MAP4K4: variants seen among roughly 807,000 people sequenced by gnomAD.
MAP4K4 encodes the protein mitogen-activated protein kinase kinase kinase kinase 4, also known as HPK/GCK-like kinase HGK.
MAP4K4 carries 38 observed loss-of-function variants against 189.6 expected under a neutral mutation model. The observed-to-expected ratio is 0.20, with a 90% confidence interval of 0.15 to 0.26. MAP4K4 has a LOEUF of 0.26. Among genes scored for constraint, MAP4K4 ranks in the 10% least tolerant of loss-of-function variants. The pLI, the probability that MAP4K4 is intolerant of heterozygous loss-of-function variation, is 1.00. For synonymous variants in MAP4K4, 610 were observed against 624.3 expected, an observed-to-expected ratio of 0.98 and a Z score of 0.34; for missense variants, 1,054 against 1,726.9, an observed-to-expected ratio of 0.61 and a Z score of 6.91.
chr2:101,883,809 C>T (rs2098444150), intron 28 of MAP4K4, among the ~76,000 whole-genome samples: 2 of 152,056 alleles, frequency 1.3e-5, no homozygotes, highest in African/African-American at 4.8e-5. Flanking sequence ...GTCTGCACCC[C>T]TCAGCTCGTG....
intron 3 of MAP4K4, among the ~76,000 whole-genome samples, chr2:101,797,589 A>C (rs1339313589): frequency 6.6e-6 from 1 of 152,092 alleles, no homozygotes; most frequent in Admixed American, 6.6e-5. Flanking sequence ...TTGATCTTAA[A>C]TTTTAACTTC....
At chr2:101,785,654 ATCT>A (rs1294131092) in intron 2 of MAP4K4, among the ~76,000 whole-genome samples, 1 of 117,904 alleles carries the variant, frequency 8.5e-6, no homozygotes, top group African/African-American at 3.4e-5. Flanking sequence ...GAACATTGCC[ATCT>A]TCTTCTTTCT....
At chr2:101,869,646 C>G in exon 22 of MAP4K4, 1 of 1,610,450 alleles carries the variant, frequency 6.2e-7, no homozygotes, top group Non-Finnish European at 8.5e-7. Flanking sequence ...GGCCAAAGAG[C>G]TTCGAGCAGT....
intron 12 of MAP4K4, among the ~76,000 whole-genome samples, chr2:101,852,954 ATGG>A (rs2097333446): frequency 6.6e-6 from 1 of 152,206 alleles, no homozygotes; most frequent in South Asian, 2.1e-4. Flanking sequence ...AGCTCCCAAA[ATGG>A]TGGCAGACAC....
chr2:101,871,232 CAG>C (rs1444388152), intron 23 of MAP4K4, among the ~76,000 whole-genome samples: 2 of 152,092 alleles, frequency 1.3e-5, no homozygotes, highest in African/African-American at 4.8e-5. Context: ...GTTTTGGTAA[CAG>C]AAGCTAGCGC....
chr2:101,734,239 A>C (rs1437193785), intron 2 of MAP4K4, among the ~76,000 whole-genome samples: 1 of 152,220 alleles, frequency 6.6e-6, no homozygotes, highest in Non-Finnish European at 1.5e-5. Context: ...TAAAATATTA[A>C]GGAAAATGTA....
chr2:101,771,156 C>T (rs912815351), intron 2 of MAP4K4, among the ~76,000 whole-genome samples: 5 of 152,198 alleles, frequency 3.3e-5, no homozygotes, highest in African/African-American at 1.2e-4. Context: ...TTTTCCTGCT[C>T]TCAGCCTGTC....
exon 28 of MAP4K4, chr2:101,882,653 G>T: frequency 6.2e-7 from 1 of 1,609,954 alleles, no homozygotes. Flanking sequence ...ACAACCGTAG[G>T]GGATTTGGAA....
At chr2:101,763,414 A>G (rs1355100901) in intron 2 of MAP4K4, among the ~76,000 whole-genome samples, 1 of 152,198 alleles carries the variant, frequency 6.6e-6, no homozygotes, top group Non-Finnish European at 1.5e-5. Context: ...CTTTGGATAC[A>G]GTATATACAT....
At chr2:101,794,892 A>T (rs1480055076) in intron 3 of MAP4K4, among the ~76,000 whole-genome samples, 1 of 152,062 alleles carries the variant, frequency 6.6e-6, no homozygotes, top group Non-Finnish European at 1.5e-5. Flanking sequence ...TGTATTCTGG[A>T]TTTGATGGTT....
exon 29 of MAP4K4, chr2:101,885,245 T>C (rs776796669): frequency 3.7e-6 from 6 of 1,606,714 alleles, no homozygotes; most frequent in Middle Eastern, 1.7e-4. Flanking sequence ...TGGAAGTCTA[T>C]GCGTGGGCAC....
chr2:101,724,936 T>C (rs1182313841), intron 2 of MAP4K4, among the ~76,000 whole-genome samples: 2 of 152,224 alleles, frequency 1.3e-5, no homozygotes, highest in Non-Finnish European at 2.9e-5. Context: ...TTTAGATATG[T>C]GTAGATACAC....
intron 3 of MAP4K4, among the ~76,000 whole-genome samples, chr2:101,798,060 C>T (rs2093973501): frequency 6.6e-6 from 1 of 151,426 alleles, no homozygotes; most frequent in Admixed American, 6.6e-5. Flanking sequence ...GCTGGGACTA[C>T]AGGAGTGTGC....
chr2:101,856,496 A>G (rs1204629127), intron 13 of MAP4K4, among the ~76,000 whole-genome samples: 1 of 152,230 alleles, frequency 6.6e-6, no homozygotes, highest in African/African-American at 2.4e-5. Flanking sequence ...TTAAAAAAAA[A>G]ATGAAATTAA....
intron 29 of MAP4K4, among the ~76,000 whole-genome samples, chr2:101,886,109 C>T (rs540532591): frequency 6.6e-6 from 1 of 152,260 alleles, no homozygotes; most frequent in African/African-American, 2.4e-5. Flanking sequence ...AAATAATATT[C>T]ACTTAAAAAA....
At chr2:101,831,776 C>T (rs757649022) in exon 7 of MAP4K4, 33 of 1,609,228 alleles carry the variant, frequency 2.1e-5, no homozygotes, top group Middle Eastern at 1.6e-4. Flanking sequence ...GAAATACGTT[C>T]ATAGGCACTC....
At chr2:101,866,904 T>C (rs1180663555) in intron 19 of MAP4K4, among the ~76,000 whole-genome samples, 1 of 151,088 alleles carries the variant, frequency 6.6e-6, no homozygotes, top group African/African-American at 2.4e-5. Context: ...GTCATCAATA[T>C]TGGTTATTTT....
At chr2:101,721,457 A>C (rs898776561) in intron 2 of MAP4K4, among the ~76,000 whole-genome samples, 1 of 131,138 alleles carries the variant, frequency 7.6e-6, no homozygotes, top group Non-Finnish European at 1.6e-5. Flanking sequence ...TTTTTTTGAG[A>C]TGGAGTGTTG....
At chr2:101,844,380 C>A in intron 12 of MAP4K4, 69 bp downstream of exon 12, 1 of 1,292,518 alleles carries the variant, frequency 7.7e-7, no homozygotes, top group Non-Finnish European at 1.1e-6. Context: ...TAGTTAGCCA[C>A]TCAGAGGAAT....
Sources: allele counts gnomAD v4.1 joint callset (sites outside exome capture counted in the v4.1 genomes callset), GRCh38; gene constraint gnomAD v4.1.1; transcripts MANE v1.5; gene names NCBI Gene and HGNC (gene_info 2026-07-23, HGNC 2026-07-21).